EIF4H: variants seen among roughly 807,000 people sequenced by gnomAD.
The protein encoded by EIF4H is eukaryotic translation initiation factor 4H.
In EIF4H, 8 loss-of-function variants were observed where a neutral mutation model predicts 30.6. That is an observed-to-expected ratio of 0.26 (90% CI 0.15 to 0.47). The LOEUF (loss-of-function observed/expected upper bound fraction) is 0.47. Among genes scored for constraint, EIF4H ranks in the 20% least tolerant of loss-of-function variants. The probability of loss-of-function intolerance (pLI) is 0.99; values close to 1 mark genes in which losing one functional copy is unlikely to be tolerated. For missense variants in EIF4H, 188 were observed against 339.5 expected, an observed-to-expected ratio of 0.55 and a Z score of 3.51; for synonymous variants, 106 against 122.7, an observed-to-expected ratio of 0.86 and a Z score of 0.90.
chr7:74,174,846 T>C (rs148268236), intron 1 of EIF4H, among the ~76,000 whole-genome samples: 7,073 of 152,292 alleles, frequency 0.046, 230 homozygotes, highest in Non-Finnish European at 0.071. Flanking sequence ...CCGGCCTCTT[T>C]CGCGGCCCTC....
chr7:74,192,865 A>T (rs1225983573), intron 5 of EIF4H, among the ~76,000 whole-genome samples: 1 of 150,808 alleles, frequency 6.6e-6, no homozygotes, highest in East Asian at 1.9e-4. Context: ...TTTAGTAGAG[A>T]CGGGGTCTCT....
At chr7:74,178,475 C>T (rs1002981595) in intron 1 of EIF4H, among the ~76,000 whole-genome samples, 3 of 150,706 alleles carry the variant, frequency 2.0e-5, no homozygotes, top group Non-Finnish European at 2.9e-5. Flanking sequence ...ACCAGGGAGG[C>T]GGAGGTTGCA....
At chr7:74,176,862 C>A (rs1554707752) in intron 1 of EIF4H, among the ~76,000 whole-genome samples, 1 of 152,214 alleles carries the variant, frequency 6.6e-6, no homozygotes, top group African/African-American at 2.4e-5. Flanking sequence ...CTTGAATGGA[C>A]TTTGTTTTGC....
intron 2 of EIF4H, among the ~76,000 whole-genome samples, chr7:74,188,415 C>T (rs1801136008): frequency 6.6e-6 from 1 of 152,120 alleles, no homozygotes; most frequent in African/African-American, 2.4e-5. Flanking sequence ...TGTAAGTGCA[C>T]GATGCTAGGA....
chr7:74,174,950 C>T (rs1489591655), intron 1 of EIF4H, among the ~76,000 whole-genome samples: 30 of 152,228 alleles, frequency 2.0e-4, no homozygotes, highest in Admixed American at 2.0e-3. Flanking sequence ...TTCCCTTCCC[C>T]TTACGTGTGA....
intron 1 of EIF4H, among the ~76,000 whole-genome samples, chr7:74,178,642 G>A (rs148060962): frequency 7.2e-5 from 11 of 152,224 alleles, no homozygotes; most frequent in African/African-American, 2.6e-4. Context: ...AGCAGACTCT[G>A]AATGTCTTTC....
chr7:74,176,561 G>A (rs1250283959), intron 1 of EIF4H, among the ~76,000 whole-genome samples: 3 of 152,150 alleles, frequency 2.0e-5, no homozygotes, highest in Non-Finnish European at 2.9e-5. Flanking sequence ...AGACAGGCTC[G>A]TACATCTCAC....
rs1420399684 is a variant in EIF4H, at chr7:74,194,808, C to G, written c.537C>G (p.Pro179=). 2.3e-5 allele frequency: 37 copies of G among 1,605,884 alleles called. No homozygotes were observed. Among genetic ancestry groups the G allele is most frequent in the Non-Finnish European group, 2.7e-5 (32 of 1,173,100 alleles). The change falls in exon 6 of 7, where the codon CCC becomes CCG. Residue 179 remains proline (P), a synonymous_variant. Coordinates refer to ENST00000265753, the MANE Select transcript of EIF4H (RefSeq NM_022170.2). ...SRPGDRRTGP[P]MGSRFRDGPP... is the part of the protein sequence containing the mutation. ...CAGGCGACCGGCGAACAGGCCCCCC[C>G]ATGGGCAGCCGCTTCAGAGATGGCC...
At chr7:74,189,405 A>G (rs574846728) in intron 2 of EIF4H, among the ~76,000 whole-genome samples, 1 of 152,348 alleles carries the variant, frequency 6.6e-6, no homozygotes, top group South Asian at 2.1e-4. Context: ...AGGTTTGAAT[A>G]TTATGGTTAA....
At chr7:74,179,159 T>C (rs1800902983) in intron 1 of EIF4H, among the ~76,000 whole-genome samples, 1 of 152,230 alleles carries the variant, frequency 6.6e-6, no homozygotes, top group African/African-American at 2.4e-5. Context: ...GGTTGACTTT[T>C]ATGGAGCAGC....
Position 74,195,163 on chromosome 7 carries a change from C to G in EIF4H, c.608-6C>G. The G allele has an allele frequency of 6.2e-7, 1 of 1,613,368 alleles. No homozygotes were observed. The highest frequency in any genetic ancestry group is 8.5e-7 in the Non-Finnish European group (1 of 1,179,618). On this transcript the variant is annotated splice_region_variant and splice_polypyrimidine_tract_variant and intron_variant, in intron 6 of 6. Transcript: ENST00000265753. Reference sequence around the variant, plus strand: ...ACTCTGACAAACTCTGCTTTTTCTCCCCCAGAGGAAAGAGCACAGAGACCA... The same window carrying G: ...ACTCTGACAAACTCTGCTTTTTCTCGCCCAGAGGAAAGAGCACAGAGACCA...
intron 5 of EIF4H, among the ~76,000 whole-genome samples, chr7:74,192,075 G>C (rs985269262): frequency 6.6e-6 from 1 of 152,152 alleles, no homozygotes; most frequent in East Asian, 1.9e-4. Context: ...CACCGCGCCC[G>C]GCCCCCACCA....
chr7:74,195,327 A>G lies in EIF4H; in HGVS notation c.*19A>G. 6.2e-7 allele frequency: 1 copy of G among 1,610,908 alleles called. No individual in the cohort carries two copies. Among genetic ancestry groups the G allele is most frequent in the South Asian group, 1.1e-5 (1 of 90,858 alleles). On this transcript the variant is annotated 3_prime_UTR_variant, in exon 7 of 7. Coordinates refer to ENST00000265753, the MANE Select transcript of EIF4H (RefSeq NM_022170.2). Reference sequence around the variant, plus strand: ...AGAATGAGCCTGCGGTTGGGAGGGAATGGGGCGTGGGGGGTTAGAGCAGGA... The same window carrying G: ...AGAATGAGCCTGCGGTTGGGAGGGAGTGGGGCGTGGGGGGTTAGAGCAGGA...
chr7:74,189,940 G>C (rs1554709665), intron 4 of EIF4H, 22 bp downstream of exon 4: 1 of 1,612,110 alleles, frequency 6.2e-7, no homozygotes, highest in East Asian at 2.2e-5. Flanking sequence ...TTCTAAAGCT[G>C]AACATCATAA....
chr7:74,181,241 G>A (rs1266329185), intron 1 of EIF4H, among the ~76,000 whole-genome samples: 1 of 152,088 alleles, frequency 6.6e-6, no homozygotes, highest in Non-Finnish European at 1.5e-5. Context: ...TTGGGTGGAG[G>A]TGTGGGCTAG....
intron 2 of EIF4H, among the ~76,000 whole-genome samples, chr7:74,188,982 G>A (rs1266143462): frequency 1.3e-5 from 2 of 152,170 alleles, no homozygotes; most frequent in African/African-American, 2.4e-5. Flanking sequence ...CAAAGATGAA[G>A]TGTGATTATT....
intron 1 of EIF4H, 130 bp from the exon 2 acceptor site, chr7:74,187,481 C>T (rs782088509): frequency 2.2e-6 from 2 of 899,048 alleles, no homozygotes; most frequent in Non-Finnish European, 3.1e-6. Flanking sequence ...TTCTCTGTAA[C>T]AGTCTTGTGG....
chr7:74,195,249 T>G lies in EIF4H; in HGVS notation c.688T>G (p.Ser230Ala). 6.2e-7 allele frequency: 1 copy of G among 1,613,890 alleles called. No individual in the cohort carries two copies. Among genetic ancestry groups the G allele is most frequent in the East Asian group, 2.2e-5 (1 of 44,872 alleles). The change falls in exon 7 of 7, where the codon TCT (serine) becomes GCT (alanine). Residue 230 changes from serine to alanine, a missense_variant. Coordinates refer to ENST00000265753, the MANE Select transcript of EIF4H (RefSeq NM_022170.2). ...CCTCAATCAAGTAGCCAATCCCAAC[T>G]CTGCTATCTTCGGGGGTGCCAGGCC... ...TPLNQVANPNSAIFGGARPRE... is the reference protein window; with the variant it reads ...TPLNQVANPNAAIFGGARPRE...
intron 1 of EIF4H, among the ~76,000 whole-genome samples, chr7:74,177,466 AACT>A (rs1306392000): frequency 6.6e-6 from 1 of 152,164 alleles, no homozygotes; most frequent in Non-Finnish European, 1.5e-5. Flanking sequence ...CAGCTTGTAA[AACT>A]AAAACCCTGT....
Sources: allele counts gnomAD v4.1 joint callset (sites outside exome capture counted in the v4.1 genomes callset), GRCh38; gene constraint gnomAD v4.1.1; transcripts MANE v1.5; gene names NCBI Gene and HGNC (gene_info 2026-07-23, HGNC 2026-07-21).